The following WT1 variants were observed in gnomAD, a reference collection of about 807,000 sequenced individuals.
The protein encoded by WT1 is Wilms tumor protein.
In WT1, 8 loss-of-function variants were observed where a neutral mutation model predicts 60.8. The observed-to-expected ratio is 0.13, with a 90% CI of 0.08 to 0.24. WT1 has a LOEUF of 0.24. Ranked by LOEUF, WT1 falls within the 10% of genes least tolerant of loss-of-function variation. The probability of loss-of-function intolerance (pLI) is 1.00; values close to 1 mark genes in which losing one functional copy is unlikely to be tolerated. For missense variants in WT1, 568 were observed against 711.8 expected, an observed-to-expected ratio of 0.80 and a Z score of 2.30; for synonymous variants, 312 against 297.1, an observed-to-expected ratio of 1.05 and a Z score of -0.52.
intron 5 of WT1, among the ~76,000 whole-genome samples, chr11:32,404,484 T>C (rs1465400984): frequency 6.6e-6 from 1 of 151,688 alleles, no homozygotes; most frequent in East Asian, 1.9e-4. Flanking sequence ...GAACGGTGAG[T>C]CTGGGGCAGG....
chr11:32,424,415 CTG>C (rs1852957929), intron 3 of WT1, among the ~76,000 whole-genome samples: 1 of 152,126 alleles, frequency 6.6e-6, no homozygotes, highest in African/African-American at 2.4e-5. Context: ...AATGGGTAAA[CTG>C]AGTGAACCAT....
At chr11:32,416,898 T>C (rs1324476960) in intron 4 of WT1, among the ~76,000 whole-genome samples, 2 of 152,166 alleles carry the variant, frequency 1.3e-5, no homozygotes, top group Non-Finnish European at 2.9e-5. Context: ...TGAGGTAACC[T>C]GGAAGGACAC....
rs2132914513 is a variant in WT1, at chr11:32,392,021, G to C, written c.1398C>G (p.Ser466=). The C allele has an allele frequency of 1.3e-6, 2 of 1,583,572 alleles. No individual in the cohort carries two copies. The highest frequency in any genetic ancestry group is 1.7e-6 in the Non-Finnish European group (2 of 1,165,216). ...TGTGGGTCTTCAGGTGGTCGGACCG[G>C]GAGAACTTTCGCTGACAAGTTTTAC... is the stretch of plus-strand genomic sequence containing the variant. Residue 466 remains serine, a synonymous_variant, in exon 9 of 10, where the codon TCC becomes TCG. Transcript: ENST00000452863.
intron 6 of WT1, among the ~76,000 whole-genome samples, chr11:32,398,533 T>C (rs1446917395): frequency 1.3e-5 from 2 of 152,164 alleles, no homozygotes; most frequent in Non-Finnish European, 2.9e-5. Context: ...TCCCACAAAC[T>C]GTTCACCATC....
intron 3 of WT1, 39 bp from the exon 4 acceptor site, chr11:32,417,693 C>T (rs1223588568): frequency 6.6e-7 from 1 of 1,514,866 alleles, no homozygotes; most frequent in Non-Finnish European, 9.2e-7. Context: ...CACATAACCA[C>T]AAAATAATAC....
rs1286298624 is a variant in WT1 at position 32,417,632 on chromosome 11, A to T, written c.910T>A (p.Ser304Thr). The T allele has an allele frequency of 6.2e-7, 1 of 1,614,024 alleles. No individual in the cohort carries two copies. Among genetic ancestry groups the T allele is most frequent in the Non-Finnish European group, 8.5e-7 (1 of 1,179,966 alleles). ...TTCCAGGTCATGCATTCAAGCTGGGATGTCATTTGGTATAAATTGTCACTG... is the reference window on the plus strand; with the variant it reads ...TTCCAGGTCATGCATTCAAGCTGGGTTGTCATTTGGTATAAATTGTCACTG... The change falls in exon 4 of 10, where the codon TCC becomes ACC. Residue 304 changes from serine to threonine, a missense_variant. Transcript: ENST00000452863.
At chr11:32,426,782 G>A (rs905043643) in intron 3 of WT1, among the ~76,000 whole-genome samples, 18 of 152,244 alleles carry the variant, frequency 1.2e-4, no homozygotes, top group Admixed American at 2.6e-4. Context: ...TCCCGGGAAG[G>A]AGAACCTTAG....
At chr11:32,428,131 TG>T in intron 2 of WT1, 73 bp from the exon 3 acceptor site, 5 of 1,344,916 alleles carry the variant, frequency 3.7e-6, no homozygotes, top group Non-Finnish European at 5.1e-6. Flanking sequence ...GGGCAGGGGT[TG>T]GGGGAGACAC....
chr11:32,410,542 A>C (rs891552425), intron 5 of WT1, among the ~76,000 whole-genome samples: 1 of 152,186 alleles, frequency 6.6e-6, no homozygotes, highest in Non-Finnish European at 1.5e-5. Flanking sequence ...TTTTTCTCTG[A>C]AGATATAAAT....
intron 5 of WT1, among the ~76,000 whole-genome samples, chr11:32,413,919 T>C (rs1235050491): frequency 6.6e-6 from 1 of 151,964 alleles, no homozygotes; most frequent in African/African-American, 2.4e-5. Context: ...CTTGGTTAGA[T>C]AGCTTAATCT....
chr11:32,418,536 C>T lies in WT1; in HGVS notation c.888-882G>A, dbSNP rs1312644339. 2.6e-5 allele frequency among the ~76,000 whole-genome samples: 4 copies of T among 152,154 alleles called. No individual in the cohort carries two copies. The East Asian group carries it at 7.7e-4, about 29-fold the overall frequency. Reference sequence around the variant, plus strand: ...TTTCTGGGACCTCTTGGTCTAAACACTTTACAGAAGAAAAATTTCACTCTA... The same window carrying T: ...TTTCTGGGACCTCTTGGTCTAAACATTTTACAGAAGAAAAATTTCACTCTA... On this transcript the variant is annotated intron_variant, in intron 3 of 9. Coordinates refer to ENST00000452863, the MANE Select transcript of WT1 (RefSeq NM_024426.6).
Position 32,434,945 on chromosome 11 carries a change from G to C in WT1, c.416C>G (p.Pro139Arg), listed in dbSNP as rs878855085. ...CTGTTTGATGAAGGAGTGAGGCGGCGGCGGCGGGGGTGGCGGCGGAGCCGG... is the reference window on the plus strand; with the variant it reads ...CTGTTTGATGAAGGAGTGAGGCGGCCGCGGCGGGGGTGGCGGCGGAGCCGG... Residue 139 changes from proline (P) to arginine (R), a missense_variant, in exon 1 of 10, where the codon CCG becomes CGG. This residue lies in a region of WT1 where 523 missense variants were observed against 565.1 expected (regional missense o/e 0.93). Transcript: ENST00000452863. 1.9e-6 allele frequency: 3 copies of C among 1,579,692 alleles called. No homozygotes were observed. Among genetic ancestry groups the C allele is most frequent in the Non-Finnish European group, 2.6e-6 (3 of 1,166,418 alleles).
At chr11:32,412,695 G>A (rs1281021400) in intron 5 of WT1, among the ~76,000 whole-genome samples, 3 of 107,932 alleles carry the variant, frequency 2.8e-5, no homozygotes, top group Non-Finnish European at 5.6e-5. Context: ...CCCCAGCAAC[G>A]TTTTCTCCCA....
rs5030298 is a variant in WT1, at chr11:32,391,108, C to A, written c.1447+864G>T. On this transcript the variant is annotated intron_variant, in intron 9 of 9. Transcript: ENST00000452863. Reference sequence around the variant, plus strand: ...AGTGAGCGTCCTACCTCAGCCTCCCCCAAATAGCTGGGACTATAGGTCCAC... The same window carrying A: ...AGTGAGCGTCCTACCTCAGCCTCCCACAAATAGCTGGGACTATAGGTCCAC... 4.7e-4 allele frequency among the ~76,000 whole-genome samples: 72 copies of A among 152,170 alleles called. No individual in the cohort carries two copies. In the South Asian group the frequency reaches 0.015, roughly 31 times the overall value.
chr11:32,420,922 G>T (rs72909465), intron 3 of WT1, among the ~76,000 whole-genome samples: 4,695 of 152,294 alleles, frequency 0.031, 117 homozygotes, highest in Middle Eastern at 0.058. Context: ...TGGGGAGGAT[G>T]TATGGGACAG....
rs1384974578 is a variant in WT1 at position 32,434,712 on chromosome 11, T to G, written c.649A>C (p.Ile217Leu). The change falls in exon 1 of 10, where the codon ATT (isoleucine) becomes CTT (leucine). Residue 217 changes from isoleucine (I) to leucine (L), a missense_variant. Physicochemically the swap from Ile to Leu is conservative, Grantham distance 5. Transcript: ENST00000452863. Reference sequence around the variant, plus strand: ...CCGGCCTACTTACCCTGATTGCGAATAGCGGGCTGGCTCTCGAGGCAGCTG... The same window carrying G: ...CCGGCCTACTTACCCTGATTGCGAAGAGCGGGCTGGCTCTCGAGGCAGCTG... 3.1e-6 allele frequency: 5 copies of G among 1,612,804 alleles called. No homozygotes were observed. In the African/African-American group the frequency reaches 5.3e-5, roughly 17 times the overall value.
intron 4 of WT1, 21 bp from the exon 5 acceptor site, chr11:32,416,561 G>A (rs1852678478): frequency 6.2e-7 from 1 of 1,614,072 alleles, no homozygotes; most frequent in South Asian, 1.1e-5. Context: ...AGAAGAGGTG[G>A]GGAGTGGGGA....
At chr11:32,425,169 T>C (rs1276295144) in intron 3 of WT1, among the ~76,000 whole-genome samples, 1 of 124,364 alleles carries the variant, frequency 8.0e-6, no homozygotes, top group Non-Finnish European at 1.6e-5. Context: ...AGAGTGAGAC[T>C]GTCTCGAAAA....
intron 3 of WT1, among the ~76,000 whole-genome samples, chr11:32,424,877 T>C (rs1852974855): frequency 6.6e-6 from 1 of 152,122 alleles, no homozygotes; most frequent in Non-Finnish European, 1.5e-5. Context: ...AGGGAAAGTA[T>C]ATCCAAAGAC....
Sources: allele counts gnomAD v4.1 joint callset (sites outside exome capture counted in the v4.1 genomes callset), GRCh38; gene constraint gnomAD v4.1.1; regional missense constraint gnomAD v4.1.1; transcripts MANE v1.5; gene names NCBI Gene and HGNC (gene_info 2026-07-23, HGNC 2026-07-21).